Variants in NCK2 observed in about 807,000 individuals in gnomAD.
NCK2 encodes cytoplasmic protein NCK2.
Under a neutral mutation model 33.9 loss-of-function variants are expected in NCK2, and 16 were observed. The observed-to-expected ratio is 0.47, with a 90% confidence interval of 0.32 to 0.72. The LOEUF (loss-of-function observed/expected upper bound fraction) is 0.72, where lower values mean the gene tolerates loss of function less well. Among genes scored for constraint, NCK2 ranks in the 30% least tolerant of loss-of-function variants. The pLI is 0.03. For missense variants in NCK2, 418 were observed against 537.3 expected (o/e 0.78, Z 2.19); for synonymous variants, 273 against 239.9 (o/e 1.14, Z -1.27).
chr2:105,844,746 G>GGATATA (rs2039341115), intron 2 of NCK2, among the ~76,000 whole-genome samples: 1 of 37,188 alleles, frequency 2.7e-5, no homozygotes, highest in Non-Finnish European at 4.7e-5. Context: ...GGGCGGGGGG[G>GGATATA]GATATATATA....
At chr2:105,883,484 T>C (rs1678592023) in intron 4 of NCK2, among the ~76,000 whole-genome samples, 1 of 152,194 alleles carries the variant, frequency 6.6e-6, no homozygotes, top group African/African-American at 2.4e-5. Context: ...AAGGAAGTCC[T>C]GCAGTGTGGA....
intron 2 of NCK2, among the ~76,000 whole-genome samples, chr2:105,828,883 G>A (rs545952135): frequency 6.6e-6 from 1 of 151,972 alleles, no homozygotes; most frequent in East Asian, 1.9e-4. Flanking sequence ...ATAGCTCTTA[G>A]TATGAGCTCA....
intron 1 of NCK2, among the ~76,000 whole-genome samples, chr2:105,757,626 C>T (rs1275524677): frequency 2.0e-5 from 3 of 152,152 alleles, no homozygotes; most frequent in Non-Finnish European, 4.4e-5. Context: ...CACAGCAAAC[C>T]AGACAAACAC....
intron 2 of NCK2, among the ~76,000 whole-genome samples, chr2:105,833,840 G>A (rs1422353389): frequency 6.6e-6 from 1 of 151,726 alleles, no homozygotes. Context: ...CACAGTTTTT[G>A]GTATACTGTG....
At chr2:105,763,147 G>A (rs543634574) in intron 1 of NCK2, among the ~76,000 whole-genome samples, 5 of 152,224 alleles carry the variant, frequency 3.3e-5, no homozygotes, top group African/African-American at 1.2e-4. Context: ...GCAGTGAGCC[G>A]AGATCATGCC....
chr2:105,892,321 G>A (rs1171762919), intron 4 of NCK2, among the ~76,000 whole-genome samples: 1 of 152,146 alleles, frequency 6.6e-6, no homozygotes, highest in East Asian at 1.9e-4. Flanking sequence ...AAATAGTTTG[G>A]GAAATGAAAA....
intron 1 of NCK2, among the ~76,000 whole-genome samples, chr2:105,785,842 C>T (rs188768365): frequency 7.4e-4 from 113 of 152,246 alleles, no homozygotes; most frequent in Non-Finnish European, 1.3e-3. Flanking sequence ...TAGCTGTTCT[C>T]ATTTGATGTG....
At chr2:105,848,258 C>T (rs1676928472) in intron 2 of NCK2, among the ~76,000 whole-genome samples, 1 of 152,184 alleles carries the variant, frequency 6.6e-6, no homozygotes, top group African/African-American at 2.4e-5. Context: ...GGTCAAGCAC[C>T]TTCCCCCAAA....
At chr2:105,880,903 G>A (rs1453319792) in intron 3 of NCK2, among the ~76,000 whole-genome samples, 1 of 148,836 alleles carries the variant, frequency 6.7e-6, no homozygotes, top group Non-Finnish European at 1.5e-5. Context: ...CTCTCCAGTA[G>A]CTGGGGCCAC....
intron 1 of NCK2, among the ~76,000 whole-genome samples, chr2:105,795,065 C>G (rs889271577): frequency 6.6e-6 from 1 of 152,110 alleles, no homozygotes; most frequent in African/African-American, 2.4e-5. Flanking sequence ...GCAGAAGGTA[C>G]AGAGTTTTCT....
At chr2:105,876,171 T>C (rs558016366) in intron 3 of NCK2, among the ~76,000 whole-genome samples, 2 of 152,352 alleles carry the variant, frequency 1.3e-5, no homozygotes, top group African/African-American at 4.8e-5. Flanking sequence ...AGCATGCTGC[T>C]GTGACACCTC....
At chr2:105,865,931 T>TTATTATTATTATTA (rs1677734202) in intron 3 of NCK2, among the ~76,000 whole-genome samples, 1 of 108,282 alleles carries the variant, frequency 9.2e-6, no homozygotes, top group Non-Finnish European at 2.0e-5. Context: ...TATTATTATT[T>TTATTATTATTATTA]GAGACAGAGT....
Position 105,881,488 on chromosome 2 carries a change from G to A in NCK2, c.387G>A (p.Glu129=), listed in dbSNP as rs752283243. 4.3e-6 allele frequency: 7 copies of A among 1,614,006 alleles called. No individual in the cohort carries two copies. In the South Asian group the frequency reaches 7.7e-5, roughly 18 times the overall value. Residue 129 remains glutamate (E), a synonymous_variant, in exon 4 of 5, where the codon GAG becomes GAA. Transcript: ENST00000233154. ...KFAYVAERED[E]LSLVKGSRVT... is the part of the protein sequence containing the mutation. ...CCTATGTGGCCGAGCGGGAGGATGAGTTGTCCCTGGTGAAGGGGTCGCGCG... is the reference window on the plus strand; with the variant it reads ...CCTATGTGGCCGAGCGGGAGGATGAATTGTCCCTGGTGAAGGGGTCGCGCG...
intron 1 of NCK2, among the ~76,000 whole-genome samples, chr2:105,810,701 A>G (rs996225136): frequency 6.6e-6 from 1 of 152,202 alleles, no homozygotes; most frequent in African/African-American, 2.4e-5. Context: ...ACCTTAGAGA[A>G]ACACCTGGGC....
intron 1 of NCK2, among the ~76,000 whole-genome samples, chr2:105,745,371 A>ACCCC (rs1689245805): frequency 6.6e-6 from 1 of 150,902 alleles, no homozygotes; most frequent in Non-Finnish European, 1.5e-5. Flanking sequence ...CCCATCCCTA[A>ACCCC]CCCCCACCAT....
At chr2:105,793,911 T>A (rs1690981759) in intron 1 of NCK2, among the ~76,000 whole-genome samples, 1 of 152,208 alleles carries the variant, frequency 6.6e-6, no homozygotes, top group African/African-American at 2.4e-5. Context: ...TCTGGTTTGG[T>A]CATTGTGTCT....
intron 1 of NCK2, among the ~76,000 whole-genome samples, chr2:105,776,879 G>C (rs1030190479): frequency 2.0e-5 from 3 of 151,642 alleles, no homozygotes; most frequent in East Asian, 3.9e-4. Context: ...TGGCCTTGGG[G>C]TTCTTCCTGA....
At chr2:105,791,151 C>T (rs1490869824) in intron 1 of NCK2, among the ~76,000 whole-genome samples, 4 of 152,202 alleles carry the variant, frequency 2.6e-5, no homozygotes, top group Admixed American at 1.3e-4. Context: ...TCTGCACCCT[C>T]ATTTTCTCAT....
intron 1 of NCK2, among the ~76,000 whole-genome samples, chr2:105,810,813 A>C (rs918124864): frequency 5.3e-5 from 8 of 152,228 alleles, no homozygotes; most frequent in African/African-American, 1.9e-4. Context: ...AAAATTTGTC[A>C]CTAATCGAAT....
Sources: allele counts gnomAD v4.1 joint callset (sites outside exome capture counted in the v4.1 genomes callset), GRCh38; gene constraint gnomAD v4.1.1; transcripts MANE v1.5; gene names NCBI Gene and HGNC (gene_info 2026-07-23, HGNC 2026-07-21).